Variants in RFX3 observed in about 807,000 individuals in gnomAD.
RFX3 encodes the protein regulatory factor X3, also known as transcription factor RFX3.
RFX3 carries 14 observed loss-of-function variants against 98.6 expected under a neutral mutation model. The observed-to-expected ratio is 0.14, with a 90% CI of 0.09 to 0.22. RFX3 has a LOEUF of 0.22. RFX3 is among the 10% of genes least tolerant of loss of function. The pLI is 1.00. For synonymous variants in RFX3, 383 were observed against 328.4 expected (o/e 1.17, Z -1.80); for missense variants, 639 against 926.9 (o/e 0.69, Z 4.03).
At chr9:3,414,887 A>AGTATATATATGAGTATATATAC (rs1842814685) in intron 1 of RFX3, among the ~76,000 whole-genome samples, 1 of 136,362 alleles carries the variant, frequency 7.3e-6, no homozygotes, top group African/African-American at 2.7e-5. Flanking sequence ...AGTATATATA[A>AGTATATATATGAGTATATATAC]GTATATATAT....
intron 15 of RFX3, among the ~76,000 whole-genome samples, chr9:3,246,291 T>TAA (rs151073008): frequency 4.1e-5 from 6 of 146,634 alleles, no homozygotes; most frequent in South Asian, 2.2e-4. Context: ...TTACATGTAG[T>TAA]AAAAAAAAAA....
chr9:3,346,141 T>C (rs927626866), intron 3 of RFX3, among the ~76,000 whole-genome samples: 14 of 152,210 alleles, frequency 9.2e-5, no homozygotes, highest in African/African-American at 3.4e-4. Flanking sequence ...ATTTATATTA[T>C]TGTTGATGCA....
chr9:3,221,382 G>A lies in RFX3; in HGVS notation c.*3660C>T, dbSNP rs1341467277. 2.0e-5 allele frequency: 3 copies of A among 152,056 alleles called. No homozygotes were observed. Among genetic ancestry groups the A allele is most frequent in the South Asian group, 4.1e-4 (2 of 4,822 alleles). The allele number at this position is 152,056 out of a possible 1,614,324, so 9.4% of individuals were successfully genotyped here. On this transcript the variant is annotated 3_prime_UTR_variant, in exon 17 of 17. Coordinates refer to ENST00000617270, the MANE Select transcript of RFX3 (RefSeq NM_001282116.2). The stretch of plus-strand genomic sequence containing the variant: ...AACTTTTACAGCATTCTACAAGAAC[G>A]TATTCATTTTTACTTGTCTACTACA...
At chr9:3,319,820 T>C (rs1831045017) in intron 4 of RFX3, among the ~76,000 whole-genome samples, 1 of 147,720 alleles carries the variant, frequency 6.8e-6, no homozygotes, top group African/African-American at 2.5e-5. Context: ...TCAACAGTAA[T>C]ACCTCAATAA....
intron 5 of RFX3, among the ~76,000 whole-genome samples, chr9:3,296,647 A>AG (rs1828029566): frequency 2.0e-5 from 3 of 152,108 alleles, no homozygotes; most frequent in African/African-American, 7.2e-5. Context: ...TAGCAAAGCT[A>AG]CGTTTTGTTC....
intron 1 of RFX3, among the ~76,000 whole-genome samples, chr9:3,450,760 A>C (rs1035596337): frequency 6.6e-6 from 1 of 152,212 alleles, no homozygotes; most frequent in Admixed American, 6.5e-5. Context: ...TTTTTTAAAA[A>C]AGTAACAGAA....
At chr9:3,501,330 A>G (rs927519303) in intron 1 of RFX3, among the ~76,000 whole-genome samples, 4 of 152,086 alleles carry the variant, frequency 2.6e-5, no homozygotes, top group Non-Finnish European at 5.9e-5. Context: ...TGATATATAA[A>G]TAGAGTTGGT....
intron 1 of RFX3, among the ~76,000 whole-genome samples, chr9:3,438,648 A>G (rs1246522666): frequency 6.6e-6 from 1 of 152,074 alleles, no homozygotes; most frequent in Non-Finnish European, 1.5e-5. Flanking sequence ...AGAAATATAC[A>G]TTAAATATAG....
Position 3,504,110 on chromosome 9 carries a change from T to C in RFX3, c.-9+21637A>G, listed in dbSNP as rs867641951. On this transcript the variant is annotated intron_variant, in intron 1 of 16. Transcript: ENST00000617270. ...TTTGATCAATACATCTTTCTCTCTC[T>C]CTCTCTCTCCCTCTCTCTTTATATA... 2.2e-5 allele frequency among the ~76,000 whole-genome samples: 3 copies of C among 137,358 alleles called. No individual in the cohort carries two copies. The South Asian group carries it at 6.4e-4, about 29-fold the overall frequency. 90.1% of individuals were successfully genotyped at this position (137,358 alleles called of 152,430 possible). A position where few individuals can be genotyped will look rare whatever the true frequency, so the allele number is the denominator to read the frequency against.
At position 3,223,640 on chromosome 9, in the gene RFX3, T is replaced by C. The variant is rs1449940956; in HGVS notation, c.*1402A>G. On this transcript the variant is annotated 3_prime_UTR_variant, in exon 17 of 17. Transcript: ENST00000617270. ...TCCACGGTCACTCAAAGAGGGAAAC[T>C]GATTTTTGTCTTTTTGTTTTCCTTT... The C allele has an allele frequency of 6.6e-6, 1 of 152,244 alleles. No individual in the cohort carries two copies. Among genetic ancestry groups the C allele is most frequent in the Non-Finnish European group, 1.5e-5 (1 of 68,052 alleles). 9.4% of individuals were successfully genotyped at this position (152,244 alleles called of 1,614,324 possible).
intron 16 of RFX3, among the ~76,000 whole-genome samples, chr9:3,226,017 A>G (rs1485397090): frequency 5.9e-5 from 9 of 152,320 alleles, no homozygotes. Flanking sequence ...TAACTAAAGC[A>G]TCATTATAAT....
chr9:3,450,490 ATTCT>A (rs1846493291), intron 1 of RFX3, among the ~76,000 whole-genome samples: 1 of 152,158 alleles, frequency 6.6e-6, no homozygotes, highest in Non-Finnish European at 1.5e-5. Context: ...AGAAAGTACT[ATTCT>A]TTCTTTTAAA....
intron 13 of RFX3, among the ~76,000 whole-genome samples, chr9:3,260,097 G>C (rs1042346929): frequency 2.6e-5 from 4 of 151,992 alleles, no homozygotes; most frequent in Admixed American, 2.6e-4. Flanking sequence ...GTGCTACCTT[G>C]AGAAAGAGAT....
intron 2 of RFX3, among the ~76,000 whole-genome samples, chr9:3,353,633 C>T (rs984702728): frequency 1.3e-5 from 2 of 151,930 alleles, no homozygotes; most frequent in African/African-American, 4.8e-5. Flanking sequence ...CAACTTTAGG[C>T]TCATCCTAAT....
intron 2 of RFX3, among the ~76,000 whole-genome samples, chr9:3,356,842 C>T (rs1835826598): frequency 6.6e-6 from 1 of 151,682 alleles, no homozygotes; most frequent in Non-Finnish European, 1.5e-5. Context: ...CCCACAAATA[C>T]AATCCACCAT....
chr9:3,501,566 T>C (rs1409120166), intron 1 of RFX3, among the ~76,000 whole-genome samples: 2 of 148,542 alleles, frequency 1.3e-5, no homozygotes, highest in African/African-American at 2.5e-5. Flanking sequence ...TTTTTTTTTT[T>C]TTTTTTTTGA....
intron 3 of RFX3, among the ~76,000 whole-genome samples, chr9:3,333,057 T>C (rs750535405): frequency 5.3e-5 from 8 of 152,184 alleles, no homozygotes; most frequent in Non-Finnish European, 7.4e-5. Flanking sequence ...CAAGTCTTCC[T>C]ACTCCCATCA....
chr9:3,385,288 T>G (rs770656311), intron 2 of RFX3, among the ~76,000 whole-genome samples: 3 of 152,158 alleles, frequency 2.0e-5, no homozygotes, highest in African/African-American at 7.2e-5. Flanking sequence ...GAACTAATGC[T>G]AAAATTGATA....
At chr9:3,498,578 G>A (rs979872654) in intron 1 of RFX3, among the ~76,000 whole-genome samples, 4 of 151,998 alleles carry the variant, frequency 2.6e-5, no homozygotes, top group African/African-American at 4.8e-5. Flanking sequence ...TTCTTTACGT[G>A]ATATCCTTTT....
Sources: gnomAD v4.1 joint callset for allele counts (sites outside exome capture counted in the v4.1 genomes callset) on GRCh38, gnomAD v4.1.1 for gene constraint, MANE v1.5 for transcripts, NCBI Gene and HGNC (gene_info 2026-07-23, HGNC 2026-07-21) for gene names.